SWT1: variants seen among roughly 807,000 people sequenced by gnomAD.
SWT1 encodes the protein transcriptional protein SWT1.
In SWT1, 33 loss-of-function variants were observed where a neutral mutation model predicts 107.3. That is an observed-to-expected ratio of 0.31 (90% CI 0.23 to 0.41). The LOEUF is 0.41. Among genes scored for constraint, SWT1 ranks in the 10% least tolerant of loss-of-function variants. The probability of loss-of-function intolerance (pLI) is 1.00; values close to 1 mark genes in which losing one functional copy is unlikely to be tolerated. For synonymous variants in SWT1, 345 were observed against 348.3 expected, an observed-to-expected ratio of 0.99 and a Z score of 0.11; for missense variants, 898 against 1,028.9, an observed-to-expected ratio of 0.87 and a Z score of 1.74.
At chr1:185,184,124 A>G in intron 7 of SWT1, 119 bp from the exon 8 acceptor site, 1 of 578,052 alleles carries the variant, frequency 1.7e-6, no homozygotes, top group South Asian at 2.3e-5. Context: ...GATACAGTTA[A>G]CAAGACAAAG....
intron 4 of SWT1, among the ~76,000 whole-genome samples, chr1:185,171,956 A>G (rs2102334333): frequency 6.6e-6 from 1 of 152,258 alleles, no homozygotes; most frequent in Non-Finnish European, 1.5e-5. Context: ...TATGATGAAA[A>G]CTCAGGTGAA....
intron 16 of SWT1, among the ~76,000 whole-genome samples, chr1:185,269,148 G>A (rs1007204813): frequency 6.6e-6 from 1 of 152,024 alleles, no homozygotes; most frequent in Admixed American, 6.6e-5. Flanking sequence ...CACCGCGCCT[G>A]GCCTGATAGT....
intron 13 of SWT1, among the ~76,000 whole-genome samples, chr1:185,212,458 G>T (rs979492529): frequency 3.3e-4 from 50 of 152,180 alleles, no homozygotes; most frequent in African/African-American, 1.2e-3. Context: ...AAGATGTGAT[G>T]ACTGTATCTT....
At chr1:185,170,064 A>G (rs1032568001) in intron 4 of SWT1, among the ~76,000 whole-genome samples, 1 of 152,250 alleles carries the variant, frequency 6.6e-6, no homozygotes, top group Non-Finnish European at 1.5e-5. Context: ...AAGCCTCAGC[A>G]TGTTCAACTC....
At chr1:185,226,948 G>C (rs1660114588) in intron 15 of SWT1, 1 of 989,130 alleles carries the variant, frequency 1.0e-6, no homozygotes, top group Non-Finnish European at 1.6e-6. Context: ...TCATAGACTG[G>C]ATTCTTTTGT....
At chr1:185,258,376 G>A (rs1662773018) in intron 16 of SWT1, among the ~76,000 whole-genome samples, 1 of 151,936 alleles carries the variant, frequency 6.6e-6, no homozygotes. Context: ...CACAGTTTTT[G>A]TTGTGTTTAG....
At chr1:185,192,490 C>G (rs1042937294) in intron 10 of SWT1, among the ~76,000 whole-genome samples, 1 of 152,102 alleles carries the variant, frequency 6.6e-6, no homozygotes, top group African/African-American at 2.4e-5. Flanking sequence ...GGCTATGTTG[C>G]CCAGGCTGGT....
In SWT1 at chr1:185,291,682, T is replaced by G. The variant is rs528943508; in HGVS notation, c.*879T>G. 5.2e-5 allele frequency: 8 copies of G among 152,746 alleles called. 1 individual carries two copies. In the South Asian group the frequency reaches 1.7e-3, roughly 32 times the overall value. The allele number at this position is 152,746 out of a possible 1,614,324, so 9.5% of individuals were successfully genotyped here. ...TTTTAAAGCAATAAATAACTTATTT[T>G]TGGTAAGATTTGGCTTTTTACTTCC... is the stretch of plus-strand genomic sequence containing the variant. On this transcript the variant is annotated 3_prime_UTR_variant, in exon 19 of 19. Transcript: ENST00000367500.
chr1:185,203,132 C>T (rs193157133), intron 11 of SWT1, among the ~76,000 whole-genome samples: 24 of 152,254 alleles, frequency 1.6e-4, no homozygotes, highest in African/African-American at 5.8e-4. Context: ...TCATTTTCTT[C>T]AAGTGAAACA....
chr1:185,176,041 G>C (rs973519152), intron 5 of SWT1, among the ~76,000 whole-genome samples: 2 of 152,182 alleles, frequency 1.3e-5, no homozygotes, highest in African/African-American at 4.8e-5. Context: ...TGTAATCCCA[G>C]TGTTTTGGGA....
intron 16 of SWT1, among the ~76,000 whole-genome samples, chr1:185,241,459 A>C (rs539855984): frequency 2.6e-5 from 4 of 152,234 alleles, no homozygotes; most frequent in African/African-American, 9.6e-5. Flanking sequence ...TTCATCACCA[A>C]GTATATCAGT....
chr1:185,290,884 C>T lies in SWT1; in HGVS notation c.*81C>T. 8.3e-7 allele frequency: 1 copy of T among 1,201,738 alleles called. No homozygotes were observed. The highest frequency in any genetic ancestry group is 1.1e-6 in the Non-Finnish European group (1 of 871,266). The allele number at this position is 1,201,738 out of a possible 1,614,324, so 74.4% of individuals were successfully genotyped here. On this transcript the variant is annotated 3_prime_UTR_variant, in exon 19 of 19. Transcript: ENST00000367500. ...TTTTCAATCTGGTCACTCTTTTGGG[C>T]CAAACCCAAGAGAATTTTAAGAAAT...
chr1:185,195,720 G>C (rs1657330690), intron 10 of SWT1, among the ~76,000 whole-genome samples: 2 of 152,124 alleles, frequency 1.3e-5, no homozygotes, highest in South Asian at 4.1e-4. Context: ...TCTCATTGTG[G>C]TTTTGATTTG....
chr1:185,200,666 T>C (rs1301009386), intron 10 of SWT1, among the ~76,000 whole-genome samples: 1 of 152,138 alleles, frequency 6.6e-6, no homozygotes, highest in African/African-American at 2.4e-5. Context: ...CCGGAGCTCT[T>C]CTGTATGAGG....
chr1:185,248,763 A>G (rs1273108406), intron 16 of SWT1, among the ~76,000 whole-genome samples: 3 of 144,124 alleles, frequency 2.1e-5, no homozygotes, highest in Non-Finnish European at 4.5e-5. Flanking sequence ...GCTAATGAAG[A>G]TACGACTAAG....
chr1:185,278,199 C>T (rs976202135), intron 18 of SWT1, among the ~76,000 whole-genome samples: 2 of 152,168 alleles, frequency 1.3e-5, no homozygotes, highest in East Asian at 1.9e-4. Flanking sequence ...TGTGTACCCT[C>T]CAAACTTATA....
At chr1:185,256,126 T>C (rs888528624) in intron 16 of SWT1, among the ~76,000 whole-genome samples, 4 of 150,800 alleles carry the variant, frequency 2.7e-5, no homozygotes, top group Non-Finnish European at 4.5e-5. Flanking sequence ...TCTTCTGGCT[T>C]GTAGGGTTTC....
Position 185,168,321 on chromosome 1 carries a change from CTTTT to C in SWT1, c.166-15_166-12del. On this transcript the variant is annotated splice_polypyrimidine_tract_variant and intron_variant, in intron 3 of 18. Coordinates refer to ENST00000367500, the MANE Select transcript of SWT1 (RefSeq NM_017673.7). ...TGTACCAGTGCACAATTTATGTGTCCTTTTTTTATTTATTTCAGAAATCAGATCA... is the reference window on the plus strand; with the variant it reads ...TGTACCAGTGCACAATTTATGTGTCCTTTATTTATTTCAGAAATCAGATCA... 1.4e-6 allele frequency: 1 copy of C among 696,810 alleles called. No homozygotes were observed. The highest frequency in any genetic ancestry group is 1.9e-6 in the Non-Finnish European group (1 of 536,986). The allele number at this position is 696,810 out of a possible 1,614,324, so 43.2% of individuals were successfully genotyped here. A position where few individuals can be genotyped will look rare whatever the true frequency, so the allele number is the denominator to read the frequency against.
chr1:185,226,011 T>C (rs916331314), intron 15 of SWT1, among the ~76,000 whole-genome samples: 4 of 152,180 alleles, frequency 2.6e-5, no homozygotes, highest in African/African-American at 9.6e-5. Flanking sequence ...GCAAAGGTTT[T>C]TTTTTGTTTC....
Sources: allele counts gnomAD v4.1 joint callset (sites outside exome capture counted in the v4.1 genomes callset), GRCh38; gene constraint gnomAD v4.1.1; transcripts MANE v1.5; gene names NCBI Gene and HGNC (gene_info 2026-07-23, HGNC 2026-07-21).